The following SAMSN1 variants were observed in gnomAD, a reference collection of about 807,000 sequenced individuals.
SAMSN1 encodes the protein SAM domain-containing protein SAMSN-1.
SAMSN1 carries 31 observed loss-of-function variants against 42.0 expected under a neutral mutation model. The observed-to-expected ratio is 0.74, with a 90% CI of 0.55 to 1.00. SAMSN1 has a LOEUF of 1.00. Ranked by LOEUF, SAMSN1 falls within the 50% of genes least tolerant of loss-of-function variation. SAMSN1 has a pLI of 0.00. For synonymous variants in SAMSN1, 178 were observed against 151.9 expected (o/e 1.17, Z -1.26); for missense variants, 464 against 439.4 (o/e 1.06, Z -0.50).
chr21:14,641,461 T>C (rs1983595990), intron 2 of SAMSN1, among the ~76,000 whole-genome samples: 1 of 152,186 alleles, frequency 6.6e-6, no homozygotes, highest in South Asian at 2.1e-4. Flanking sequence ...TGTTACCCTT[T>C]CTCTAAAGCA....
At chr21:14,570,752 A>G (rs1209982140) in intron 2 of SAMSN1, among the ~76,000 whole-genome samples, 2 of 152,058 alleles carry the variant, frequency 1.3e-5, no homozygotes, top group Non-Finnish European at 2.9e-5. Flanking sequence ...CTTCAAATCT[A>G]TTTTCTTCAC....
At chr21:14,649,761 C>T (rs1486418486) in intron 1 of SAMSN1, among the ~76,000 whole-genome samples, 1 of 142,262 alleles carries the variant, frequency 7.0e-6, no homozygotes, top group Non-Finnish European at 1.5e-5. Context: ...CGGAGTGAGA[C>T]ACTGTCTCAA....
At chr21:14,487,004 G>A (rs1986463997) in intron 7 of SAMSN1, among the ~76,000 whole-genome samples, 1 of 152,100 alleles carries the variant, frequency 6.6e-6, no homozygotes, top group Non-Finnish European at 1.5e-5. Flanking sequence ...GTTTCTTGAT[G>A]GGTGTTTCTG....
intron 5 of SAMSN1, among the ~76,000 whole-genome samples, chr21:14,606,031 G>A (rs1169035167): frequency 3.3e-5 from 5 of 151,758 alleles, no homozygotes; most frequent in East Asian, 3.9e-4. Flanking sequence ...TTGTAGAGAC[G>A]GGGTTTCACT....
intron 3 of SAMSN1, chr21:14,615,863 C>CAAAA (rs34255188): frequency 1.7e-4 from 20 of 116,460 alleles, no homozygotes; most frequent in Admixed American, 5.9e-4. Context: ...ATGACAGCTG[C>CAAAA]AAAAAAAAAA....
intron 1 of SAMSN1, among the ~76,000 whole-genome samples, chr21:14,536,088 A>G (rs529290088): frequency 6.6e-5 from 10 of 152,342 alleles, no homozygotes; most frequent in African/African-American, 2.4e-4. Context: ...GTTTTCTACT[A>G]AGAAGCTAAT....
At chr21:14,568,061 A>C (rs1300901977) in intron 2 of SAMSN1, among the ~76,000 whole-genome samples, 1 of 152,204 alleles carries the variant, frequency 6.6e-6, no homozygotes, top group Non-Finnish European at 1.5e-5. Context: ...TGTCCATTCT[A>C]GAAATTCTGA....
At chr21:14,493,754 C>G (rs1198025041) in intron 7 of SAMSN1, among the ~76,000 whole-genome samples, 3 of 152,178 alleles carry the variant, frequency 2.0e-5, no homozygotes, top group Non-Finnish European at 4.4e-5. Context: ...AGAGCTGCAT[C>G]TCACTCCAAT....
Position 14,510,446 on chromosome 21 carries a change from C to G in SAMSN1, c.425G>C (p.Cys142Ser), listed in dbSNP as rs1485685718. The G allele has an allele frequency of 1.2e-6, 2 of 1,614,192 alleles. No homozygotes were observed. Among genetic ancestry groups the G allele is most frequent in the Non-Finnish European group, 1.7e-6 (2 of 1,180,016 alleles). ...GTCCCGGTTACTTGTACCATCTGAA[C>G]AGCTTGTTATGCCACCTGATGAAAG... is the stretch of plus-strand genomic sequence containing the variant. ...GQSSSSGITS[C>S]SDGTSNRDSF... Residue 142 changes from cysteine (C) to serine (S), a missense_variant, in exon 5 of 8, where the codon TGT (cysteine) becomes TCT (serine). Transcript: ENST00000400566.
At chr21:14,534,215 T>C (rs1979450025) in intron 1 of SAMSN1, among the ~76,000 whole-genome samples, 1 of 152,234 alleles carries the variant, frequency 6.6e-6, no homozygotes, top group African/African-American at 2.4e-5. Context: ...ACACTCATTA[T>C]ACATATATTG....
At chr21:14,653,969 T>C (rs1983875024) in intron 1 of SAMSN1, among the ~76,000 whole-genome samples, 1 of 151,980 alleles carries the variant, frequency 6.6e-6, no homozygotes. Context: ...GTTTAGAACA[T>C]TAATAATAAA....
At chr21:14,536,232 AC>A (rs1979606917) in intron 1 of SAMSN1, among the ~76,000 whole-genome samples, 1 of 152,186 alleles carries the variant, frequency 6.6e-6, no homozygotes, top group Non-Finnish European at 1.5e-5. Flanking sequence ...GTAAAAACAA[AC>A]AAACAAAAAA....
At chr21:14,581,340 A>ATTTT (rs1404934178) in intron 2 of SAMSN1, among the ~76,000 whole-genome samples, 14 of 22,530 alleles carry the variant, frequency 6.2e-4, no homozygotes, top group African/African-American at 1.2e-3. Flanking sequence ...GGGAAATAAT[A>ATTTT]TTTCTTTTTT....
rs1252518968 is a variant in SAMSN1, at chr21:14,512,469, A to G, written c.384T>C (p.Ser128=). ...TTGATGAGCTCTGTCCACTGTAGAG[A>G]CTATCCATGGAGTCACTGGCTTTGA... ...VSLKASDSMD[S]LYSGQSSSSG... is the part of the protein sequence containing the mutation. The change falls in exon 4 of 8, where the codon AGT becomes AGC. Residue 128 remains serine (S), a synonymous_variant. Coordinates refer to ENST00000400566, the MANE Select transcript of SAMSN1 (RefSeq NM_022136.5). The G allele has an allele frequency of 6.8e-6, 11 of 1,613,840 alleles. No homozygotes were observed. Among genetic ancestry groups the G allele is most frequent in the Non-Finnish European group, 9.3e-6 (11 of 1,179,902 alleles).
At chr21:14,618,619 A>T in intron 2 of SAMSN1, among the ~76,000 whole-genome samples, 1 of 151,940 alleles carries the variant, frequency 6.6e-6, no homozygotes, top group East Asian at 1.9e-4. Context: ...TCAAAGAAAG[A>T]CTACATACAC....
chr21:14,586,088 C>A (rs1159723608), upstream of SAMSN1, among the ~76,000 whole-genome samples: 1 of 151,382 alleles, frequency 6.6e-6, no homozygotes, highest in Admixed American at 6.6e-5. Flanking sequence ...CATGGTGAAA[C>A]CCTGTTTCTA....
intron 2 of SAMSN1, among the ~76,000 whole-genome samples, chr21:14,556,845 A>G (rs1299423617): frequency 1.3e-5 from 2 of 152,242 alleles, no homozygotes; most frequent in African/African-American, 2.4e-5. Context: ...AAACTTTTCC[A>G]TAACATTTGC....
At chr21:14,643,533 C>G (rs1374778293) in intron 1 of SAMSN1, among the ~76,000 whole-genome samples, 2 of 152,158 alleles carry the variant, frequency 1.3e-5, no homozygotes, top group African/African-American at 4.8e-5. Context: ...TACCACCTCC[C>G]TTTATAAGAA....
intron 1 of SAMSN1, among the ~76,000 whole-genome samples, chr21:14,539,047 T>G (rs1426285334): frequency 6.6e-6 from 1 of 152,224 alleles, no homozygotes; most frequent in African/African-American, 2.4e-5. Flanking sequence ...TCCATGTCTT[T>G]CTATTTTCAA....
Sources: gnomAD v4.1 joint callset for allele counts (sites outside exome capture counted in the v4.1 genomes callset) on GRCh38, gnomAD v4.1.1 for gene constraint, MANE v1.5 for transcripts, NCBI Gene and HGNC (gene_info 2026-07-23, HGNC 2026-07-21) for gene names.